The following NCALD variants were observed in gnomAD, a reference collection of about 807,000 sequenced individuals.
NCALD encodes neurocalcin-delta.
NCALD carries 10 observed loss-of-function variants against 18.6 expected under a neutral mutation model. That is an observed-to-expected ratio of 0.54 (90% CI 0.33 to 0.91). The LOEUF is 0.91. Among genes scored for constraint, NCALD ranks in the 40% least tolerant of loss-of-function variants. The pLI, the probability that NCALD is intolerant of heterozygous loss-of-function variation, is 0.03. For missense variants in NCALD, 184 were observed against 247.6 expected (o/e 0.74, Z 1.72); for synonymous variants, 88 against 87.4 (o/e 1.01, Z -0.04).
At chr8:102,118,441 C>T (rs560749765) in intron 1 of NCALD, among the ~76,000 whole-genome samples, 146 of 152,362 alleles carry the variant, frequency 9.6e-4, no homozygotes, top group African/African-American at 3.4e-3. Flanking sequence ...CTGAGCAGTT[C>T]ATCCGCCTCC....
intron 1 of NCALD, among the ~76,000 whole-genome samples, chr8:101,722,077 A>G (rs1353640189): frequency 2.0e-5 from 3 of 152,136 alleles, no homozygotes; most frequent in East Asian, 3.9e-4. Context: ...TCCTGGGCTC[A>G]TGCCGTCTTC....
intron 3 of NCALD, among the ~76,000 whole-genome samples, chr8:101,897,279 C>G (rs983600577): frequency 6.7e-6 from 1 of 149,312 alleles, no homozygotes; most frequent in African/African-American, 2.5e-5. Flanking sequence ...AAAAACCAAA[C>G]ACCGCATATT....
At chr8:101,707,756 T>A (rs995899070) in intron 2 of NCALD, among the ~76,000 whole-genome samples, 1 of 152,128 alleles carries the variant, frequency 6.6e-6, no homozygotes, top group Non-Finnish European at 1.5e-5. Flanking sequence ...CAATCCCAGC[T>A]ACTTGGGAGG....
chr8:101,849,238 C>T (rs552451743), intron 4 of NCALD, among the ~76,000 whole-genome samples: 1 of 152,118 alleles, frequency 6.6e-6, no homozygotes, highest in African/African-American at 2.4e-5. Flanking sequence ...AGGAAGAACA[C>T]CTAAAGGATG....
At chr8:101,804,393 AAT>A (rs1034251253) in intron 4 of NCALD, among the ~76,000 whole-genome samples, 5 of 136,838 alleles carry the variant, frequency 3.7e-5, no homozygotes, top group African/African-American at 1.1e-4. Flanking sequence ...TATATATAGA[AAT>A]ATATATATTT....
chr8:101,783,726 C>A (rs1015867212), intron 1 of NCALD, among the ~76,000 whole-genome samples: 2 of 152,152 alleles, frequency 1.3e-5, no homozygotes, highest in Non-Finnish European at 2.9e-5. Flanking sequence ...TCAGTGGGGG[C>A]CAATGAGCGA....
intron 1 of NCALD, among the ~76,000 whole-genome samples, chr8:102,123,473 A>AC (rs1454852081): frequency 2.6e-5 from 4 of 151,562 alleles, no homozygotes; most frequent in South Asian, 2.1e-4. Flanking sequence ...AAAAAAAAAA[A>AC]AAACTTGTGT....
In NCALD at chr8:101,766,355, C is replaced by G. The variant is rs1811346171; in HGVS notation, c.-20+24507G>C. Among the ~76,000 whole-genome samples the G allele has an allele frequency of 5.7e-5, 5 of 87,784 alleles. No homozygotes were observed. The Admixed American group carries it at 5.8e-4, about 10-fold the overall frequency. The allele number at this position is 87,784 out of a possible 152,430, so 57.6% of individuals were successfully genotyped here. A position where few individuals can be genotyped will look rare whatever the true frequency, so the allele number is the denominator to read the frequency against. ...GCTCATTGAAAACAAATTCGCCAGACAGAAAAACATAAAAAATACATGAAA... is the reference window on the plus strand; with the variant it reads ...GCTCATTGAAAACAAATTCGCCAGAGAGAAAAACATAAAAAATACATGAAA... On this transcript the variant is annotated intron_variant, in intron 1 of 3. Coordinates refer to ENST00000220931, the MANE Select transcript of NCALD (RefSeq NM_032041.3).
At chr8:102,068,737 G>A (rs1007220232) in intron 1 of NCALD, among the ~76,000 whole-genome samples, 2 of 152,152 alleles carry the variant, frequency 1.3e-5, no homozygotes, top group Non-Finnish European at 2.9e-5. Context: ...AACACTTGAG[G>A]AAGAACACAG....
intron 2 of NCALD, among the ~76,000 whole-genome samples, chr8:101,963,625 CTCT>C (rs1279601997): frequency 6.6e-6 from 1 of 152,158 alleles, no homozygotes; most frequent in African/African-American, 2.4e-5. Context: ...CTGAAACTTG[CTCT>C]TCTTATGAGC....
rs1474011268 is a variant in NCALD at position 101,888,003 on chromosome 8, T to C, written c.-106-776A>G. Among the ~76,000 whole-genome samples, 5 of 152,278 alleles carry C rather than the reference T, an allele frequency of 3.3e-5. No homozygotes were observed. In the South Asian group the frequency reaches 8.3e-4, roughly 25 times the overall value. ...GTAGCAGTTCAAGATCATATATCTATCATCCAAGAGGACAGTGTCAGCGTC... is the reference window on the plus strand; with the variant it reads ...GTAGCAGTTCAAGATCATATATCTACCATCCAAGAGGACAGTGTCAGCGTC... On this transcript the variant is annotated intron_variant, in intron 3 of 6. Transcript: ENST00000311028.
At position 101,816,729 on chromosome 8, in the gene NCALD, T is replaced by G. The variant is rs948328912; in HGVS notation, c.-20+70412A>C. Among the ~76,000 whole-genome samples, 3 of 152,190 alleles carry G rather than the reference T, an allele frequency of 2.0e-5. 1 individual carries two copies. The South Asian group carries it at 6.2e-4, about 31-fold the overall frequency. ...CTACAATACTATGATGGTGGATTCA[T>G]GTCATTACACATTTGTCCAAACCCA... is the stretch of plus-strand genomic sequence containing the variant. On this transcript the variant is annotated intron_variant, in intron 4 of 6. Transcript: ENST00000311028.
At chr8:101,960,414 G>C (rs1427269499) in intron 2 of NCALD, among the ~76,000 whole-genome samples, 1 of 152,142 alleles carries the variant, frequency 6.6e-6, no homozygotes. Context: ...AAAAATAATT[G>C]TATCAAAAAC....
intron 1 of NCALD, among the ~76,000 whole-genome samples, chr8:102,085,049 A>G (rs1200608932): frequency 6.6e-6 from 1 of 152,158 alleles, no homozygotes; most frequent in African/African-American, 2.4e-5. Context: ...CCACAGAGCT[A>G]TTCCCCCATT....
intron 1 of NCALD, among the ~76,000 whole-genome samples, chr8:102,045,595 C>T (rs542355031): frequency 6.6e-6 from 1 of 152,280 alleles, no homozygotes; most frequent in South Asian, 2.1e-4. Flanking sequence ...GTTCAACTAG[C>T]CAATTGGTAC....
rs546151353 is a variant in NCALD, at chr8:101,931,055, A to G, written c.-156-15197T>C. On this transcript the variant is annotated intron_variant, in intron 2 of 6. Coordinates refer to the NCALD transcript ENST00000311028. Reference sequence around the variant, plus strand: ...AGGCGAAAGCTGTGTCACCAGCACCACTGTCCCTGGTGTCACTAAGCCTGA... The same window carrying G: ...AGGCGAAAGCTGTGTCACCAGCACCGCTGTCCCTGGTGTCACTAAGCCTGA... Among the ~76,000 whole-genome samples, 3 of 152,294 alleles carry G rather than the reference A, an allele frequency of 2.0e-5. 1 individual carries two copies. The highest frequency in any genetic ancestry group is 7.2e-5 in the African/African-American group (3 of 41,560).
At chr8:102,107,971 A>G (rs945259942) in intron 1 of NCALD, among the ~76,000 whole-genome samples, 5 of 151,898 alleles carry the variant, frequency 3.3e-5, no homozygotes, top group South Asian at 4.2e-4. Flanking sequence ...GGGAAATCTC[A>G]AAGGGCAAGA....
At position 102,001,090 on chromosome 8, in the gene NCALD, G is replaced by A. The variant is rs532730497; in HGVS notation, c.-157+19147C>T. Among the ~76,000 whole-genome samples the A allele has an allele frequency of 3.2e-3, 482 of 152,300 alleles. 3 individuals carry two copies. The highest frequency in any genetic ancestry group is 5.4e-3 in the Non-Finnish European group (368 of 68,034). The stretch of plus-strand genomic sequence containing the variant: ...ATCAAACTACTCTGAGCTAAAGGAG[G>A]AAGTTTGAACCCATGGCAAAGAAGT... On this transcript the variant is annotated intron_variant, in intron 2 of 6. Coordinates refer to the NCALD transcript ENST00000311028.
At chr8:101,693,631 G>C (rs1814851200) in intron 2 of NCALD, 1 of 152,168 alleles carries the variant, frequency 6.6e-6, no homozygotes, top group African/African-American at 2.4e-5. Flanking sequence ...GCTTTGAAAA[G>C]CAAGGTTCCC....
Sources: allele counts gnomAD v4.1 joint callset (sites outside exome capture counted in the v4.1 genomes callset), GRCh38; gene constraint gnomAD v4.1.1; transcripts MANE v1.5; gene names NCBI Gene and HGNC (gene_info 2026-07-23, HGNC 2026-07-21).